The following WWOX variants were observed in gnomAD, a reference collection of about 807,000 sequenced individuals.
WWOX encodes the protein WW domain-containing oxidoreductase.
In WWOX, 69 loss-of-function variants were observed where a neutral mutation model predicts 46.2. The ratio of observed to expected loss-of-function variants is 1.49; its 90% CI spans 1.23 to 1.82. The LOEUF (loss-of-function observed/expected upper bound fraction) is 1.82, where lower values mean the gene tolerates loss of function less well. Ranked by LOEUF, WWOX falls within the 40% of genes most tolerant of loss-of-function variation. The pLI is 0.00. For missense variants in WWOX, 919 were observed against 542.6 expected (o/e 1.69, Z -6.89); for synonymous variants, 359 against 202.6 (o/e 1.77, Z -6.56).
chr16:78,703,839 G>C (rs140233142), intron 8 of WWOX, among the ~76,000 whole-genome samples: 14 of 152,062 alleles, frequency 9.2e-5, no homozygotes, highest in African/African-American at 3.4e-4. Context: ...GCACAGAACT[G>C]GGTATGACAG....
chr16:78,256,919 C>T (rs937264821), intron 5 of WWOX, among the ~76,000 whole-genome samples: 1 of 152,026 alleles, frequency 6.6e-6, no homozygotes, highest in Non-Finnish European at 1.5e-5. Flanking sequence ...TACAGGGAAT[C>T]CCTAATCTCC....
At chr16:78,535,194 G>C (rs2043729191) in intron 8 of WWOX, 1 of 152,172 alleles carries the variant, frequency 6.6e-6, no homozygotes, top group Admixed American at 6.5e-5. Flanking sequence ...GCTGCAGATG[G>C]ACACAGGATC....
intron 8 of WWOX, among the ~76,000 whole-genome samples, chr16:78,688,188 G>A (rs2142256153): frequency 6.6e-6 from 1 of 151,924 alleles, no homozygotes; most frequent in African/African-American, 2.4e-5. Context: ...GCCTTATTGT[G>A]TAGATAAAAG....
At chr16:78,793,468 A>C (rs1362235675) in intron 8 of WWOX, among the ~76,000 whole-genome samples, 1 of 152,050 alleles carries the variant, frequency 6.6e-6, no homozygotes, top group African/African-American at 2.4e-5. Context: ...TTTTTTATCC[A>C]GTTTTGCTTT....
chr16:78,183,567 A>T (rs2035600730), intron 5 of WWOX, among the ~76,000 whole-genome samples: 3 of 152,196 alleles, frequency 2.0e-5, no homozygotes, highest in African/African-American at 7.2e-5. Context: ...AAATGGAGGT[A>T]TTGCATCCCC....
In WWOX at chr16:78,719,301, C is replaced by A. The variant is rs376121882; in HGVS notation, c.1056+286549C>A. On this transcript the variant is annotated intron_variant, in intron 8 of 8. Coordinates refer to ENST00000566780, the MANE Select transcript of WWOX (RefSeq NM_016373.4). ...TGAAGGGTTATTCTGGGGAGCCTTC[C>A]CTGTGGAAGCCCCATTAACCATCCC... is the stretch of plus-strand genomic sequence containing the variant. Among the ~76,000 whole-genome samples, 6 of 152,318 alleles carry A rather than the reference C, an allele frequency of 3.9e-5. No individual in the cohort carries two copies. In the East Asian group the frequency reaches 7.7e-4, roughly 20 times the overall value.
At chr16:78,187,799 T>A (rs59485483) in intron 5 of WWOX, among the ~76,000 whole-genome samples, 18,633 of 152,138 alleles carry the variant, frequency 0.12, 1,190 homozygotes, top group South Asian at 0.2. Context: ...TACCTTAACT[T>A]CAGCAGGGCA....
intron 8 of WWOX, among the ~76,000 whole-genome samples, chr16:79,056,471 A>G (rs1398668322): frequency 6.6e-6 from 1 of 152,172 alleles, no homozygotes; most frequent in African/African-American, 2.4e-5. Context: ...GTTGCCTGGG[A>G]CAAAGGCATT....
At chr16:78,300,258 C>G (rs1187459247) in intron 5 of WWOX, among the ~76,000 whole-genome samples, 1 of 152,116 alleles carries the variant, frequency 6.6e-6, no homozygotes, top group African/African-American at 2.4e-5. Context: ...TATTCTGAGG[C>G]TAGGTTAAAT....
At chr16:78,101,755 A>G (rs940134138) in intron 1 of WWOX, among the ~76,000 whole-genome samples, 2 of 152,206 alleles carry the variant, frequency 1.3e-5, no homozygotes, top group South Asian at 2.1e-4. Flanking sequence ...AGGAAAAACA[A>G]CCAAGTTCTG....
At chr16:78,734,100 G>A (rs772207650) in intron 8 of WWOX, among the ~76,000 whole-genome samples, 12 of 151,822 alleles carry the variant, frequency 7.9e-5, no homozygotes, top group Admixed American at 1.3e-4. Flanking sequence ...TCGTCCATCC[G>A]TCCATCTATT....
intron 8 of WWOX, among the ~76,000 whole-genome samples, chr16:78,442,465 CCCCTCCTGGGAACTG>C (rs2083466114): frequency 6.6e-6 from 1 of 152,142 alleles, no homozygotes. Flanking sequence ...CCACTACCAG[CCCCTCCTGGGAACTG>C]CCCTCTACTC....
At chr16:79,059,656 G>T (rs201333344) in intron 8 of WWOX, among the ~76,000 whole-genome samples, 5 of 151,950 alleles carry the variant, frequency 3.3e-5, no homozygotes, top group Admixed American at 6.6e-5. Flanking sequence ...CACCATGCCC[G>T]GCTAATTTTT....
chr16:78,935,681 A>C (rs1487645452), intron 8 of WWOX, among the ~76,000 whole-genome samples: 1 of 152,034 alleles, frequency 6.6e-6, no homozygotes, highest in Non-Finnish European at 1.5e-5. Flanking sequence ...GGTGCAGCAC[A>C]CCGACATGGC....
At chr16:78,934,854 C>G (rs964717607) in intron 8 of WWOX, among the ~76,000 whole-genome samples, 1 of 152,180 alleles carries the variant, frequency 6.6e-6, no homozygotes, top group Admixed American at 6.5e-5. Context: ...AATCGCAGCA[C>G]TTTGGGAGGC....
chr16:78,494,930 C>T (rs556735138), intron 8 of WWOX, among the ~76,000 whole-genome samples: 9 of 152,186 alleles, frequency 5.9e-5, no homozygotes, highest in East Asian at 1.9e-4. Context: ...TTTCCTCTTT[C>T]GGTACTTTGT....
intron 5 of WWOX, among the ~76,000 whole-genome samples, chr16:78,284,551 C>G (rs754329983): frequency 9.2e-5 from 14 of 152,162 alleles, no homozygotes; most frequent in Non-Finnish European, 1.9e-4. Context: ...TATAAAGTAT[C>G]ATTACTCTTT....
At chr16:79,014,059 G>T (rs977062310) in intron 8 of WWOX, among the ~76,000 whole-genome samples, 2 of 152,194 alleles carry the variant, frequency 1.3e-5, no homozygotes, top group Non-Finnish European at 2.9e-5. Flanking sequence ...CCTGAGAGCC[G>T]CTGGGGAACT....
intron 8 of WWOX, among the ~76,000 whole-genome samples, chr16:79,015,454 C>T (rs1362057142): frequency 6.6e-6 from 1 of 152,146 alleles, no homozygotes; most frequent in African/African-American, 2.4e-5. Flanking sequence ...AAGAGTTAAC[C>T]TGAGTGTCTG....
Sources: allele counts gnomAD v4.1 joint callset (sites outside exome capture counted in the v4.1 genomes callset), GRCh38; gene constraint gnomAD v4.1.1; transcripts MANE v1.5; gene names NCBI Gene and HGNC (gene_info 2026-07-23, HGNC 2026-07-21).